Variants in SKIC3 observed in about 807,000 individuals in gnomAD.
SKIC3 encodes the protein superkiller complex protein 3.
chr5:95,524,663 C>G, the SKIC3 span: 1 of 1,593,794 alleles, frequency 6.3e-7, no homozygotes, highest in African/African-American at 1.3e-5. Flanking sequence ...ATATAGGAGA[C>G]TCCTAGTTGG....
the SKIC3 span, among the ~76,000 whole-genome samples, chr5:95,531,149 A>T: frequency 6.6e-6 from 1 of 152,190 alleles, no homozygotes; most frequent in South Asian, 2.1e-4. Context: ...TCAGTTACAG[A>T]TGTCAAAGGT....
the SKIC3 span, chr5:95,525,820 C>A: frequency 1.4e-6 from 1 of 736,322 alleles, no homozygotes; most frequent in African/African-American, 1.8e-5. Context: ...AATAACACAT[C>A]TTCACTCTTC....
the SKIC3 span, among the ~76,000 whole-genome samples, chr5:95,516,191 C>T: frequency 9.9e-5 from 15 of 152,158 alleles, no homozygotes; most frequent in South Asian, 2.1e-4. Context: ...ATTAATTATT[C>T]GACATAAATT....
At chr5:95,471,541 C>CT in the SKIC3 span, among the ~76,000 whole-genome samples, 77 of 149,900 alleles carry the variant, frequency 5.1e-4, no homozygotes, top group Non-Finnish European at 7.3e-4. Context: ...AGAATGTCCT[C>CT]TTTTTTTTTT....
At chr5:95,545,758 G>C in the SKIC3 span, among the ~76,000 whole-genome samples, 1 of 152,104 alleles carries the variant, frequency 6.6e-6, no homozygotes, top group Non-Finnish European at 1.5e-5. Context: ...CCTTCTTGTT[G>C]CTACAGTCTA....
chr5:95,529,498 T>G, the SKIC3 span: 1 of 309,388 alleles, frequency 3.2e-6, no homozygotes, highest in African/African-American at 2.2e-5. Context: ...ACAATCTCAC[T>G]TCTTGTCCCC....
At chr5:95,526,917 A>G in the SKIC3 span, among the ~76,000 whole-genome samples, 1 of 152,194 alleles carries the variant, frequency 6.6e-6, no homozygotes, top group Admixed American at 6.5e-5. Context: ...TTATTTCATT[A>G]TCCTGAGGAA....
At chr5:95,509,627 T>C in the SKIC3 span, 4 of 1,613,988 alleles carry the variant, frequency 2.5e-6, no homozygotes, top group South Asian at 4.4e-5. Context: ...CTTTTTCAGT[T>C]GTAGATGTTC....
chr5:95,499,301 T>A, the SKIC3 span, among the ~76,000 whole-genome samples: 1 of 152,130 alleles, frequency 6.6e-6, no homozygotes, highest in African/African-American at 2.4e-5. Flanking sequence ...TATAGTGAAT[T>A]CTCACGTGAT....
the SKIC3 span, chr5:95,516,423 CA>C: frequency 8.7e-6 from 14 of 1,612,910 alleles, no homozygotes; most frequent in South Asian, 3.3e-5. Flanking sequence ...AAAAACATAA[CA>C]TTTTTTTTCT....
At chr5:95,551,370 T>C in the SKIC3 span, among the ~76,000 whole-genome samples, 1 of 152,090 alleles carries the variant, frequency 6.6e-6, no homozygotes, top group South Asian at 2.1e-4. Flanking sequence ...AAGTAAACAA[T>C]GTTTAGGTGA....
At chr5:95,547,088 T>C in the SKIC3 span, 1 of 1,613,164 alleles carries the variant, frequency 6.2e-7, no homozygotes, top group South Asian at 1.1e-5. Flanking sequence ...CTTCTTTGTA[T>C]TCTTTGTTTC....
chr5:95,554,928 A>G, the SKIC3 span: 86,066 of 211,518 alleles, frequency 0.41, 21,976 homozygotes, highest in African/African-American at 0.79. Context: ...ACAGAAATCC[A>G]AACCCACCTG....
chr5:95,526,783 T>C, the SKIC3 span, among the ~76,000 whole-genome samples: 1 of 152,140 alleles, frequency 6.6e-6, no homozygotes, highest in Non-Finnish European at 1.5e-5. Flanking sequence ...TGTGTGATGT[T>C]AGTAGCCATT....
At chr5:95,552,714 G>A in the SKIC3 span, among the ~76,000 whole-genome samples, 1 of 151,974 alleles carries the variant, frequency 6.6e-6, no homozygotes, top group Non-Finnish European at 1.5e-5. Context: ...AGGCAGTGAG[G>A]CAAATGGTTA....
chr5:95,502,964 T>C, the SKIC3 span: 3 of 1,614,134 alleles, frequency 1.9e-6, no homozygotes, highest in Admixed American at 1.7e-5. Context: ...ATGGGCTTTG[T>C]CTTGCTCCGA....
chr5:95,498,135 T>G, the SKIC3 span, among the ~76,000 whole-genome samples: 16 of 152,138 alleles, frequency 1.1e-4, no homozygotes, highest in Non-Finnish European at 2.2e-4. Flanking sequence ...AAACAAAGTT[T>G]GGGCCTTAAC....
chr5:95,519,875 C>A, the SKIC3 span, among the ~76,000 whole-genome samples: 1 of 151,922 alleles, frequency 6.6e-6, no homozygotes. Flanking sequence ...ATAAAGCATG[C>A]CCTTTACACA....
At chr5:95,541,856 G>A in the SKIC3 span, 2 of 1,613,018 alleles carry the variant, frequency 1.2e-6, no homozygotes, top group Non-Finnish European at 8.5e-7. Flanking sequence ...CACCAGGCAA[G>A]TCATCCTTAG....
Sources: gnomAD v4.1 joint callset for allele counts (sites outside exome capture counted in the v4.1 genomes callset) on GRCh38, gnomAD v4.1.1 for gene constraint, MANE v1.5 for transcripts, NCBI Gene and HGNC (gene_info 2026-07-23, HGNC 2026-07-21) for gene names.